The following MCTP1 variants were observed in gnomAD, a reference collection of about 807,000 sequenced individuals.
MCTP1 encodes the protein multiple C2 and transmembrane domain containing 1, also known as multiple C2 and transmembrane domain-containing protein 1.
A neutral mutation model predicts 120.6 loss-of-function variants in MCTP1; 69 were observed. That is an observed-to-expected ratio of 0.57 (90% CI 0.47 to 0.70). MCTP1 has a LOEUF of 0.70. Ranked by LOEUF, MCTP1 falls within the 30% of genes least tolerant of loss-of-function variation. The probability of loss-of-function intolerance (pLI) is 0.00; values close to 1 mark genes in which losing one functional copy is unlikely to be tolerated. For missense variants in MCTP1, 1,203 were observed against 1,248.8 expected (o/e 0.96, Z 0.55); for synonymous variants, 529 against 493.1 (o/e 1.07, Z -0.96).
intron 1 of MCTP1, among the ~76,000 whole-genome samples, chr5:95,141,309 T>C (rs554171340): frequency 6.6e-6 from 1 of 152,348 alleles, no homozygotes; most frequent in South Asian, 2.1e-4. Context: ...ATGTGTAAAA[T>C]GATTGCCACG....
At chr5:95,215,280 G>T (rs1217488262) in intron 1 of MCTP1, among the ~76,000 whole-genome samples, 3 of 152,158 alleles carry the variant, frequency 2.0e-5, no homozygotes, top group Admixed American at 2.0e-4. Flanking sequence ...TTCCTTGTCT[G>T]TTAAAACATG....
intron 12 of MCTP1, among the ~76,000 whole-genome samples, chr5:94,881,693 C>T (rs903395002): frequency 6.6e-6 from 1 of 152,032 alleles, no homozygotes; most frequent in Non-Finnish European, 1.5e-5. Flanking sequence ...TAACAATAGT[C>T]CCTAATAAGG....
intron 2 of MCTP1, among the ~76,000 whole-genome samples, chr5:95,006,400 T>G (rs1053387671): frequency 1.3e-5 from 2 of 151,970 alleles, no homozygotes; most frequent in Admixed American, 6.6e-5. Context: ...GATCATAGAC[T>G]ATATGAAATA....
chr5:94,917,792 A>T (rs1165568146), intron 8 of MCTP1, 104 bp downstream of exon 8: 1 of 724,544 alleles, frequency 1.4e-6, no homozygotes, highest in Non-Finnish European at 2.4e-6. Flanking sequence ...TCTACAAAAT[A>T]GGTTAGTATA....
In MCTP1 at chr5:94,784,375, C is replaced by T. The variant is rs946624903; in HGVS notation, c.2557-5212G>A. Among the ~76,000 whole-genome samples the T allele has an allele frequency of 3.1e-4, 47 of 152,090 alleles. 1 individual carries two copies. Among genetic ancestry groups the T allele is most frequent in the African/African-American group, 1.1e-3 (46 of 41,528 alleles). On this transcript the variant is annotated intron_variant, in intron 18 of 22. Transcript: ENST00000515393. ...ATGGAATGTCTATTGATGGAGAAGA[C>T]GCATATAATCACTCAAATGATTTCA...
chr5:95,038,101 C>G, intron 1 of MCTP1: 3 of 984,546 alleles, frequency 3.0e-6, no homozygotes, highest in Non-Finnish European at 3.6e-6. Context: ...TTCGAACAAT[C>G]TCATGGTCAC....
At chr5:95,273,344 T>C (rs1169494285) in intron 1 of MCTP1, among the ~76,000 whole-genome samples, 1 of 152,238 alleles carries the variant, frequency 6.6e-6, no homozygotes, top group Non-Finnish European at 1.5e-5. Context: ...CCATTTGCCA[T>C]GCACAGATCA....
chr5:95,192,207 T>A (rs1159049798), intron 1 of MCTP1, among the ~76,000 whole-genome samples: 1 of 151,892 alleles, frequency 6.6e-6, no homozygotes, highest in Non-Finnish European at 1.5e-5. Flanking sequence ...AAAACAGACA[T>A]GTTTTTGAGT....
At chr5:95,001,287 A>AGGAGT (rs1367885949) in intron 2 of MCTP1, among the ~76,000 whole-genome samples, 4 of 152,140 alleles carry the variant, frequency 2.6e-5, no homozygotes, top group Middle Eastern at 3.2e-3. Context: ...TGGTACCAGG[A>AGGAGT]GGAGTGGGGC....
intron 1 of MCTP1, among the ~76,000 whole-genome samples, chr5:95,045,618 T>C (rs764002567): frequency 1.3e-5 from 2 of 152,108 alleles, no homozygotes; most frequent in Non-Finnish European, 2.9e-5. Flanking sequence ...TGTCAGTCAA[T>C]ATAATCAGTG....
rs955323086 is a variant in MCTP1 at position 94,952,443 on chromosome 5, T to C, written c.981+776A>G. ...ACAATGATGATATGAGGGGAAGAAG[T>C]ATGCCTAGTGATTGCTGAAAGATGA... On this transcript the variant is annotated intron_variant, in intron 3 of 22. Coordinates refer to ENST00000515393, the MANE Select transcript of MCTP1 (RefSeq NM_024717.7). Among the ~76,000 whole-genome samples the C allele has an allele frequency of 2.0e-5, 3 of 152,120 alleles. No homozygotes were observed. In the East Asian group the frequency reaches 5.8e-4, roughly 29 times the overall value.
intron 17 of MCTP1, chr5:94,867,431 A>C: frequency 9.8e-7 from 1 of 1,017,686 alleles, no homozygotes; most frequent in Non-Finnish European, 1.5e-6. Flanking sequence ...GCATACACTC[A>C]TTTGAATGGT....
intron 3 of MCTP1, among the ~76,000 whole-genome samples, chr5:94,945,331 T>A (rs1274095910): frequency 6.6e-6 from 1 of 152,214 alleles, no homozygotes; most frequent in East Asian, 1.9e-4. Context: ...TTCACCTTAC[T>A]GTTTACTAAA....
intron 17 of MCTP1, among the ~76,000 whole-genome samples, chr5:94,807,071 T>G (rs1390780076): frequency 6.6e-6 from 1 of 152,218 alleles, no homozygotes; most frequent in African/African-American, 2.4e-5. Flanking sequence ...AATGTTTTCC[T>G]GTATAGTTCA....
chr5:94,815,697 C>A (rs899672597), intron 17 of MCTP1, among the ~76,000 whole-genome samples: 2 of 152,190 alleles, frequency 1.3e-5, no homozygotes, highest in South Asian at 2.1e-4. Flanking sequence ...AATAAAGAGG[C>A]AGCAATGTGT....
chr5:95,169,494 T>TGGTACAA (rs1746922408), intron 1 of MCTP1, among the ~76,000 whole-genome samples: 1 of 152,232 alleles, frequency 6.6e-6, no homozygotes, highest in South Asian at 2.1e-4. Context: ...CTTGTACCTC[T>TGGTACAA]GGTAGAATTT....
In MCTP1 at chr5:94,706,290, G is replaced by A. The variant is rs1754565644; in HGVS notation, c.*1206C>T. The A allele has an allele frequency of 6.6e-6, 1 of 151,592 alleles. No homozygotes were observed. Among genetic ancestry groups the A allele is most frequent in the Non-Finnish European group, 1.5e-5 (1 of 67,778 alleles). The allele number at this position is 151,592 out of a possible 1,614,324, so 9.4% of individuals were successfully genotyped here. The stretch of plus-strand genomic sequence containing the variant: ...AGAGTTATGCTCCCTTAGTATACCA[G>A]GGAGTGAGATATAAAAACTACTTTA... On this transcript the variant is annotated 3_prime_UTR_variant, in exon 23 of 23. Transcript: ENST00000515393.
At chr5:94,847,650 GT>G in intron 17 of MCTP1, among the ~76,000 whole-genome samples, 1 of 37,000 alleles carries the variant, frequency 2.7e-5, no homozygotes, top group Non-Finnish European at 1.0e-4. Flanking sequence ...AGCAATCTGT[GT>G]GTGTGTGTGT....
intron 1 of MCTP1, 28 bp downstream of exon 1, chr5:95,283,828 T>A: frequency 2.4e-6 from 3 of 1,230,178 alleles, no homozygotes; most frequent in Non-Finnish European, 3.0e-6. Flanking sequence ...CCGCGCACCT[T>A]GTCTCCGGCC....
Sources: allele counts gnomAD v4.1 joint callset (sites outside exome capture counted in the v4.1 genomes callset), GRCh38; gene constraint gnomAD v4.1.1; transcripts MANE v1.5; gene names NCBI Gene and HGNC (gene_info 2026-07-23, HGNC 2026-07-21).